The following PLD5 variants were observed in gnomAD, a reference collection of about 807,000 sequenced individuals.
PLD5 encodes the protein inactive phospholipase D5.
In PLD5, 36 loss-of-function variants were observed where a neutral mutation model predicts 61.1. The observed-to-expected ratio is 0.59, with a 90% CI of 0.45 to 0.78. The LOEUF (loss-of-function observed/expected upper bound fraction) is 0.78, where lower values mean the gene tolerates loss of function less well. Ranked by LOEUF, PLD5 falls within the 30% of genes least tolerant of loss-of-function variation. PLD5 has a pLI of 0.00. For missense variants in PLD5, 515 were observed against 644.4 expected, an observed-to-expected ratio of 0.80 and a Z score of 2.17; for synonymous variants, 243 against 242.8, an observed-to-expected ratio of 1.00 and a Z score of -0.01.
At chr1:242,213,582 C>T (rs1669961589) in intron 5 of PLD5, among the ~76,000 whole-genome samples, 1 of 151,830 alleles carries the variant, frequency 6.6e-6, no homozygotes, top group Non-Finnish European at 1.5e-5. Context: ...CAGAAATTAC[C>T]AGGCATATCA....
At chr1:242,375,323 C>T (rs886921279) in intron 1 of PLD5, among the ~76,000 whole-genome samples, 1 of 152,176 alleles carries the variant, frequency 6.6e-6, no homozygotes, top group African/African-American at 2.4e-5. Context: ...TCAGGCAAAC[C>T]CAAAGAGCTG....
chr1:242,138,899 A>T (rs2148782931), intron 5 of PLD5, among the ~76,000 whole-genome samples: 1 of 152,340 alleles, frequency 6.6e-6, no homozygotes, highest in African/African-American at 2.4e-5. Context: ...TGTAAGAACT[A>T]AATGGTTTGA....
At position 242,459,301 on chromosome 1, in the gene PLD5, A is replaced by G. The variant is rs375622681; in HGVS notation, c.189+64787T>C. Reference sequence around the variant, plus strand: ...GTTTAGACATAAGCAAGCTAAAAGAACAGATTTTTGAGGCCTCTCAAGCAC... The same window carrying G: ...GTTTAGACATAAGCAAGCTAAAAGAGCAGATTTTTGAGGCCTCTCAAGCAC... On this transcript the variant is annotated intron_variant, in intron 1 of 9. Coordinates refer to ENST00000536534, the MANE Select transcript of PLD5 (RefSeq NM_001372062.1). 1.2e-4 allele frequency among the ~76,000 whole-genome samples: 19 copies of G among 152,338 alleles called. No individual in the cohort carries two copies. The East Asian group carries it at 2.5e-3, about 20-fold the overall frequency.
chr1:242,512,688 G>C (rs965770830), intron 1 of PLD5, among the ~76,000 whole-genome samples: 9 of 152,126 alleles, frequency 5.9e-5, no homozygotes, highest in African/African-American at 2.4e-5. Flanking sequence ...TATTGACATA[G>C]ATCACTAAAG....
chr1:242,488,764 C>T (rs1668045641), intron 1 of PLD5, among the ~76,000 whole-genome samples: 3 of 151,984 alleles, frequency 2.0e-5, no homozygotes, highest in South Asian at 4.2e-4. Context: ...AATATTGGCT[C>T]TTCAATTACA....
intron 1 of PLD5, among the ~76,000 whole-genome samples, chr1:242,389,754 G>A (rs1489247243): frequency 6.6e-6 from 1 of 152,028 alleles, no homozygotes; most frequent in African/African-American, 2.4e-5. Context: ...GGATTCATGA[G>A]GGATTAATAA....
At chr1:242,322,284 T>C (rs1179699741) in intron 2 of PLD5, among the ~76,000 whole-genome samples, 1 of 152,190 alleles carries the variant, frequency 6.6e-6, no homozygotes, top group Non-Finnish European at 1.5e-5. Context: ...CTGTTACTCA[T>C]CAAATATGCC....
At chr1:242,127,865 C>T (rs1662922798) in intron 5 of PLD5, among the ~76,000 whole-genome samples, 1 of 152,106 alleles carries the variant, frequency 6.6e-6, no homozygotes, top group African/African-American at 2.4e-5. Flanking sequence ...GATAGGCCTC[C>T]ACGAAAGCAG....
chr1:242,271,407 T>C (rs1407576301), intron 3 of PLD5, among the ~76,000 whole-genome samples: 1 of 151,920 alleles, frequency 6.6e-6, no homozygotes, highest in African/African-American at 2.4e-5. Context: ...AAAAGGTACC[T>C]GAAGGTGAAG....
At chr1:242,254,471 A>C (rs1672902147) in intron 4 of PLD5, among the ~76,000 whole-genome samples, 1 of 152,136 alleles carries the variant, frequency 6.6e-6, no homozygotes, top group Admixed American at 6.5e-5. Flanking sequence ...GGAGTTCAAC[A>C]CCAGCCTGGC....
intron 2 of PLD5, among the ~76,000 whole-genome samples, chr1:242,310,379 A>G: frequency 6.6e-6 from 1 of 152,124 alleles, no homozygotes; most frequent in East Asian, 1.9e-4. Context: ...TTTCTAGCAT[A>G]CTTAATAAAA....
At chr1:242,318,900 G>A (rs1328200046) in intron 2 of PLD5, among the ~76,000 whole-genome samples, 1 of 152,164 alleles carries the variant, frequency 6.6e-6, no homozygotes, top group Non-Finnish European at 1.5e-5. Context: ...TAGCACAGAG[G>A]TAGGAGAGGC....
Position 242,208,021 on chromosome 1 carries a change from C to CACACAT in PLD5, c.735+11966_735+11967insATGTGT, listed in dbSNP as rs1302358189. ...ACACACACACACACACACACACACA[C>CACACAT]ACATACATATATGTATTTGAGACAG... On this transcript the variant is annotated intron_variant, in intron 5 of 9. Transcript: ENST00000536534. Among the ~76,000 whole-genome samples the CACACAT allele has an allele frequency of 2.9e-5, 4 of 140,128 alleles. No homozygotes were observed. The East Asian group carries it at 8.1e-4, about 28-fold the overall frequency. 91.9% of individuals were successfully genotyped at this position (140,128 alleles called of 152,430 possible). A position where few individuals can be genotyped will look rare whatever the true frequency, so the allele number is the denominator to read the frequency against.
chr1:242,296,836 C>T (rs190216320), intron 2 of PLD5, among the ~76,000 whole-genome samples: 20 of 152,304 alleles, frequency 1.3e-4, no homozygotes, highest in African/African-American at 4.6e-4. Context: ...TCCTGCCTTA[C>T]AGCCTCCTGA....
intron 1 of PLD5, among the ~76,000 whole-genome samples, chr1:242,489,388 A>C (rs1215527576): frequency 6.7e-6 from 1 of 149,346 alleles, no homozygotes; most frequent in African/African-American, 2.5e-5. Context: ...AAAAAAAAAC[A>C]GAGAAAAAAC....
intron 5 of PLD5, among the ~76,000 whole-genome samples, chr1:242,197,662 C>G (rs1473139139): frequency 6.7e-6 from 1 of 149,564 alleles, no homozygotes; most frequent in Non-Finnish European, 1.5e-5. Context: ...TGAGACGGAG[C>G]CTTGCTCTGT....
At chr1:242,226,051 T>C (rs114206825) in intron 4 of PLD5, among the ~76,000 whole-genome samples, 40 of 152,332 alleles carry the variant, frequency 2.6e-4, no homozygotes, top group African/African-American at 9.1e-4. Context: ...GGTACTACAT[T>C]TATATAAAGT....
Position 242,394,114 on chromosome 1 carries a change from G to C in PLD5, c.190-45872C>G, listed in dbSNP as rs182783238. On this transcript the variant is annotated intron_variant, in intron 1 of 9. Coordinates refer to ENST00000536534, the MANE Select transcript of PLD5 (RefSeq NM_001372062.1). Reference sequence around the variant, plus strand: ...TATGTATATATGTGTATATATATGAGTATATATATGTGTATATATATGAGT... The same window carrying C: ...TATGTATATATGTGTATATATATGACTATATATATGTGTATATATATGAGT... Among the ~76,000 whole-genome samples the C allele has an allele frequency of 2.1e-4, 29 of 138,102 alleles. 4 individuals carry two copies. The highest frequency in any genetic ancestry group is 5.3e-4 in the Admixed American group (7 of 13,158). The allele number at this position is 138,102 out of a possible 152,430, so 90.6% of individuals were successfully genotyped here.
chr1:242,500,985 C>T (rs531473708), intron 1 of PLD5, among the ~76,000 whole-genome samples: 2 of 148,778 alleles, frequency 1.3e-5, no homozygotes, highest in African/African-American at 2.6e-5. Flanking sequence ...TAAGTCAACT[C>T]ATTTTTTTTA....
Sources: allele counts gnomAD v4.1 joint callset (sites outside exome capture counted in the v4.1 genomes callset), GRCh38; gene constraint gnomAD v4.1.1; transcripts MANE v1.5; gene names NCBI Gene and HGNC (gene_info 2026-07-23, HGNC 2026-07-21).